STPG2: variants seen among roughly 807,000 people sequenced by gnomAD.
STPG2 encodes the protein sperm tail PG-rich repeat containing 2.
In STPG2, 56 loss-of-function variants were observed where a neutral mutation model predicts 54.2. The observed-to-expected ratio is 1.03, with a 90% CI of 0.83 to 1.29. STPG2 has a LOEUF of 1.29. Among genes scored for constraint, STPG2 ranks in the 50% most tolerant of loss-of-function variants. The pLI is 0.00. For synonymous variants in STPG2, 200 were observed against 181.8 expected, an observed-to-expected ratio of 1.10 and a Z score of -0.81; for missense variants, 596 against 544.9, an observed-to-expected ratio of 1.09 and a Z score of -0.93.
At position 98,143,308 on chromosome 4, in the gene STPG2, C is replaced by A. The variant is rs1049383445; in HGVS notation, c.-158G>T. The stretch of plus-strand genomic sequence containing the variant: ...GAAATTAGGGGTGGGGTTGTCTCCC[C>A]GCCCGCTCATTGATACCAGATTTCC... On this transcript the variant is annotated 5_prime_UTR_variant, in exon 1 of 11. Coordinates refer to ENST00000295268, the MANE Select transcript of STPG2 (RefSeq NM_174952.3). 2.0e-5 allele frequency: 12 copies of A among 595,750 alleles called. No homozygotes were observed. The highest frequency in any genetic ancestry group is 3.6e-5 in the Non-Finnish European group (12 of 334,498). 36.9% of individuals were successfully genotyped at this position (595,750 alleles called of 1,614,324 possible).
At chr4:97,457,986 G>A (rs1352683509) in intron 4 of STPG2, among the ~76,000 whole-genome samples, 1 of 152,134 alleles carries the variant, frequency 6.6e-6, no homozygotes, top group East Asian at 1.9e-4. Flanking sequence ...ATAATCAGAG[G>A]TTCATAACTA....
intron 9 of STPG2, among the ~76,000 whole-genome samples, chr4:97,823,716 C>T (rs1053995158): frequency 1.3e-5 from 2 of 152,078 alleles, no homozygotes; most frequent in Non-Finnish European, 2.9e-5. Context: ...AAGAGACACC[C>T]GACCCAAAGG....
intron 9 of STPG2, among the ~76,000 whole-genome samples, chr4:97,736,735 G>C (rs1725012323): frequency 1.3e-5 from 2 of 152,218 alleles, no homozygotes; most frequent in Non-Finnish European, 2.9e-5. Flanking sequence ...GCCCACCACA[G>C]CTCAAGGAGG....
At chr4:97,916,569 G>A (rs567797072) in intron 8 of STPG2, 1 of 152,832 alleles carries the variant, frequency 6.5e-6, no homozygotes, top group East Asian at 1.9e-4. Flanking sequence ...CCTTCTTCAG[G>A]AGCAGAAGGT....
chr4:97,477,859 T>C (rs1366903251), intron 4 of STPG2, among the ~76,000 whole-genome samples: 1 of 152,072 alleles, frequency 6.6e-6, no homozygotes, highest in Non-Finnish European at 1.5e-5. Context: ...CTTTTCTATA[T>C]CCTTTGACAA....
chr4:97,466,791 G>C (rs974828944), intron 4 of STPG2, among the ~76,000 whole-genome samples: 1 of 151,782 alleles, frequency 6.6e-6, no homozygotes, highest in Admixed American at 6.6e-5. Context: ...ATGAATATTA[G>C]AAAAAGAAAC....
intron 10 of STPG2, among the ~76,000 whole-genome samples, chr4:97,698,202 G>A (rs896645323): frequency 2.6e-5 from 4 of 152,118 alleles, no homozygotes; most frequent in Admixed American, 1.3e-4. Flanking sequence ...CTTCATTCCT[G>A]AAGGGTCTGG....
At chr4:97,470,363 G>A (rs965240102) in intron 4 of STPG2, among the ~76,000 whole-genome samples, 3 of 152,006 alleles carry the variant, frequency 2.0e-5, no homozygotes, top group African/African-American at 7.2e-5. Flanking sequence ...TTTATAGTGT[G>A]GGGGTAAAAT....
At chr4:98,121,107 T>C (rs1228479902) in intron 3 of STPG2, among the ~76,000 whole-genome samples, 1 of 152,244 alleles carries the variant, frequency 6.6e-6, no homozygotes, top group Non-Finnish European at 1.5e-5. Context: ...CAGTTTCAGT[T>C]CTCTGCATAT....
intron 10 of STPG2, among the ~76,000 whole-genome samples, chr4:97,636,828 T>G (rs898904355): frequency 3.3e-5 from 5 of 150,866 alleles, no homozygotes; most frequent in Admixed American, 6.6e-5. Flanking sequence ...AATAACAGGA[T>G]CTGAAATTGT....
At chr4:97,551,147 G>A (rs551248141) in intron 4 of STPG2, among the ~76,000 whole-genome samples, 16 of 152,110 alleles carry the variant, frequency 1.1e-4, no homozygotes, top group East Asian at 7.7e-4. Flanking sequence ...TGATTGGTGC[G>A]TTTACAAACC....
chr4:97,959,913 G>A (rs1390526884), intron 7 of STPG2, among the ~76,000 whole-genome samples: 2 of 151,656 alleles, frequency 1.3e-5, no homozygotes, highest in African/African-American at 4.8e-5. Flanking sequence ...ACTACAAATG[G>A]ATATCCCTGA....
At chr4:97,458,129 A>C (rs938109811) in intron 4 of STPG2, among the ~76,000 whole-genome samples, 1 of 152,212 alleles carries the variant, frequency 6.6e-6, no homozygotes, top group Non-Finnish European at 1.5e-5. Context: ...TCACCTGAAA[A>C]TAGGAATGAA....
chr4:98,075,470 A>G (rs1175902502), intron 5 of STPG2, among the ~76,000 whole-genome samples: 1 of 152,190 alleles, frequency 6.6e-6, no homozygotes, highest in Non-Finnish European at 1.5e-5. Context: ...GCCACTTACA[A>G]ATAAAAAGAT....
At chr4:97,924,897 CTTG>C (rs1354651672) in intron 8 of STPG2, among the ~76,000 whole-genome samples, 1 of 152,100 alleles carries the variant, frequency 6.6e-6, no homozygotes, top group Non-Finnish European at 1.5e-5. Context: ...CAAACAATGA[CTTG>C]TTGATACAAA....
At chr4:98,061,002 G>T (rs963032351) in intron 5 of STPG2, among the ~76,000 whole-genome samples, 6 of 152,106 alleles carry the variant, frequency 3.9e-5, no homozygotes, top group Non-Finnish European at 1.5e-5. Context: ...CAGTACATAG[G>T]AATGGGCAAA....
At chr4:97,772,378 T>C (rs1036410520) in intron 9 of STPG2, among the ~76,000 whole-genome samples, 67 of 152,288 alleles carry the variant, frequency 4.4e-4, no homozygotes, top group South Asian at 1.4e-3. Flanking sequence ...TAATGGTTTA[T>C]ACAAAACAAT....
At chr4:97,519,497 C>G (rs1731138933) in intron 4 of STPG2, among the ~76,000 whole-genome samples, 1 of 151,776 alleles carries the variant, frequency 6.6e-6, no homozygotes, top group South Asian at 2.1e-4. Flanking sequence ...CAAATTTCCC[C>G]TATTGTGAGA....
intron 8 of STPG2, among the ~76,000 whole-genome samples, chr4:97,850,744 G>T (rs545955752): frequency 6.6e-6 from 1 of 151,910 alleles, no homozygotes; most frequent in African/African-American, 2.4e-5. Flanking sequence ...TCTTTGCATT[G>T]GTTAAAACTG....
Sources: gnomAD v4.1 joint callset for allele counts (sites outside exome capture counted in the v4.1 genomes callset) on GRCh38, gnomAD v4.1.1 for gene constraint, MANE v1.5 for transcripts, NCBI Gene and HGNC (gene_info 2026-07-23, HGNC 2026-07-21) for gene names.